ECM1: variants seen among roughly 807,000 people sequenced by gnomAD.
ECM1 encodes secretory component p85.
Under a neutral mutation model 57.9 loss-of-function variants are expected in ECM1, and 54 were observed. The ratio of observed to expected loss-of-function variants is 0.93; its 90% CI spans 0.75 to 1.17. The LOEUF (loss-of-function observed/expected upper bound fraction) is 1.17, where lower values mean the gene tolerates loss of function less well. Among genes scored for constraint, ECM1 ranks in the 50% most tolerant of loss-of-function variants. ECM1 has a pLI of 0.00. For synonymous variants in ECM1, 237 were observed against 259.1 expected (o/e 0.91, Z 0.82); for missense variants, 649 against 688.1 (o/e 0.94, Z 0.64).
rs146676314 is a variant in ECM1, at chr1:150,513,356, G to A, written c.1512G>A (p.Leu504=). 30 of 1,614,096 alleles carry A rather than the reference G, an allele frequency of 1.9e-5. No homozygotes were observed. The highest frequency in any genetic ancestry group is 2.4e-5 in the Non-Finnish European group (28 of 1,180,044). The change falls in exon 10 of 10, where the codon CTG becomes CTA. Residue 504 remains leucine, a synonymous_variant. Transcript: ENST00000369047. The part of the protein sequence containing the change: ...EQVNCFNINY[L]RNVALVSGDT... Reference sequence around the variant, plus strand: ...TCAACTGCTTCAACATCAATTATCTGAGGAACGTGGCTCTAGTGTCTGGAG... The same window carrying A: ...TCAACTGCTTCAACATCAATTATCTAAGGAACGTGGCTCTAGTGTCTGGAG...
chr1:150,509,944 G>A lies in ECM1; in HGVS notation c.246G>A (p.Glu82=), dbSNP rs1412250845. ...QSQVQPPPSQ[E]ATPLQQEKLL... The stretch of plus-strand genomic sequence containing the variant: ...TAGTGCAGCCCCCTCCCTCTCAGGA[G>A]GCCACCCCTCTCCAACAGGAAAAGC... Residue 82 remains glutamate (E), a synonymous_variant, in exon 4 of 10, where the codon GAG becomes GAA. Coordinates refer to ENST00000369047, the MANE Select transcript of ECM1 (RefSeq NM_004425.4). The A allele has an allele frequency of 6.2e-7, 1 of 1,614,062 alleles. No homozygotes were observed. Among genetic ancestry groups the A allele is most frequent in the Non-Finnish European group, 8.5e-7 (1 of 1,179,990 alleles).
In ECM1 at chr1:150,513,630, G is replaced by A. The variant is rs1345000264; in HGVS notation, c.*163G>A. ...GGATCTTGGTGCCCTGGCCCAGGAGGGCACTGGCGTTTTCAGACACACCAC... is the reference window on the plus strand; with the variant it reads ...GGATCTTGGTGCCCTGGCCCAGGAGAGCACTGGCGTTTTCAGACACACCAC... On this transcript the variant is annotated 3_prime_UTR_variant, in exon 10 of 10. Transcript: ENST00000369047. 5.9e-6 allele frequency: 4 copies of A among 682,236 alleles called. No homozygotes were observed. Among genetic ancestry groups the A allele is most frequent in the Non-Finnish European group, 9.8e-6 (4 of 408,626 alleles). The allele number at this position is 682,236 out of a possible 1,614,324, so 42.3% of individuals were successfully genotyped here.
chr1:150,508,884 T>C (rs936017208), intron 1 of ECM1, among the ~76,000 whole-genome samples: 1 of 152,142 alleles, frequency 6.6e-6, no homozygotes, highest in East Asian at 1.9e-4. Context: ...TGTCCACTTC[T>C]CTGTGAAGCC....
intron 1 of ECM1, among the ~76,000 whole-genome samples, chr1:150,508,531 TG>T (rs1254643509): frequency 2.6e-5 from 4 of 151,284 alleles, no homozygotes; most frequent in African/African-American, 4.9e-5. Context: ...GACAACTGAG[TG>T]GGGGGTGGGT....
Position 150,512,769 on chromosome 1 carries a change from G to A in ECM1, c.1349G>A (p.Cys450Tyr), listed in dbSNP as rs748727010. ...ATCCACAACATGACTGCCCGCTGCT[G>A]TGACCTGCCATTTCCAGAACAGGCC... is the stretch of plus-strand genomic sequence containing the variant. ...GLIHNMTARC[C>Y]DLPFPEQACC... Residue 450 changes from cysteine (C) to tyrosine (Y), a missense_variant, in exon 9 of 10, where the codon TGT (cysteine) becomes TAT (tyrosine). By Grantham distance (194) the Cys-to-Tyr change is radical. Coordinates refer to ENST00000369047, the MANE Select transcript of ECM1 (RefSeq NM_004425.4). 3 of 1,614,042 alleles carry A rather than the reference G, an allele frequency of 1.9e-6. No individual in the cohort carries two copies. Among genetic ancestry groups the A allele is most frequent in the African/African-American group, 1.3e-5 (1 of 74,908 alleles).
rs1312232484 is a variant in ECM1, at chr1:150,513,580, A to G, written c.*113A>G. The G allele has an allele frequency of 1.9e-6, 2 of 1,036,324 alleles. No homozygotes were observed. The highest frequency in any genetic ancestry group is 1.4e-6 in the Non-Finnish European group (1 of 711,638). The allele number at this position is 1,036,324 out of a possible 1,614,324, so 64.2% of individuals were successfully genotyped here. On this transcript the variant is annotated 3_prime_UTR_variant, in exon 10 of 10. Transcript: ENST00000369047. ...ATTTGGTGTCCTCATTGTCTATCTA[A>G]TGTCTCACCCGCAGTGTTTTAAGTG... is the stretch of plus-strand genomic sequence containing the variant.
intron 7 of ECM1, 101 bp downstream of exon 7, chr1:150,511,932 T>A (rs1291493064): frequency 1.1e-5 from 16 of 1,441,462 alleles, no homozygotes; most frequent in Non-Finnish European, 1.5e-5. Context: ...CCCCCTGCTG[T>A]GAGTGCGTCC....
chr1:150,510,858 C>G lies in ECM1; in HGVS notation c.386-18C>G, dbSNP rs763387231. 2.5e-6 allele frequency: 4 copies of G among 1,613,518 alleles called. No homozygotes were observed. The South Asian group carries it at 4.4e-5, about 18-fold the overall frequency. ...TTCCTTCACATGTCCCCGCTTCCCA[C>G]TGTTTTCCCCATTCCAGGAACGCCA... is the stretch of plus-strand genomic sequence containing the variant. On this transcript the variant is annotated intron_variant, in intron 5 of 9. Transcript: ENST00000369047.
rs1163213468 is a variant in ECM1 at position 150,510,137 on chromosome 1, C to A, written c.340C>A (p.Gln114Lys). 1.2e-6 allele frequency: 2 copies of A among 1,614,104 alleles called. No individual in the cohort carries two copies. Among genetic ancestry groups the A allele is most frequent in the Admixed American group, 3.3e-5 (2 of 60,026 alleles). Residue 114 changes from glutamine (Q) to lysine (K), a missense_variant, in exon 5 of 10, where the codon CAA becomes AAA. Gln to Lys is a moderately conservative substitution (Grantham distance 53). Coordinates refer to ENST00000369047, the MANE Select transcript of ECM1 (RefSeq NM_004425.4). The stretch of plus-strand genomic sequence containing the variant: ...TCTCCCTCAGGAAGCTGTCCCCCTC[C>A]AAAAAGAGCTGCCCTCTCTCCAGCA... The part of the protein sequence containing the change: ...PPLPQEAVPL[Q>K]KELPSLQHPN...
At position 150,509,906 on chromosome 1, in the gene ECM1, A is replaced by T; in HGVS notation, c.224-16A>T. The T allele has an allele frequency of 1.9e-6, 3 of 1,613,776 alleles. No homozygotes were observed. The highest frequency in any genetic ancestry group is 2.5e-6 in the Non-Finnish European group (3 of 1,179,828). On this transcript the variant is annotated splice_polypyrimidine_tract_variant and intron_variant, in intron 3 of 9. Transcript: ENST00000369047. ...AGGAGAAAGGGTGGGCTGCTCACAC[A>T]TTCCCCCTTCTATAGTGCAGCCCCC...
rs768430337 is a variant in ECM1, at chr1:150,511,527, C to T, written c.779C>T (p.Thr260Met). The change falls in exon 7 of 10, where the codon ACG becomes ATG. Residue 260 changes from threonine to methionine, a missense_variant. Transcript: ENST00000369047. The stretch of plus-strand genomic sequence containing the variant: ...AAGACCCGACCCCACTGGTGCTGCA[C>T]GCGGCAGGGGGAGGCTCGGTTCTCC... ...SVKTRPHWCC[T>M]RQGEARFSCF... The T allele has an allele frequency of 1.9e-5, 30 of 1,614,052 alleles. No individual in the cohort carries two copies. The highest frequency in any genetic ancestry group is 1.6e-4 in the Middle Eastern group (1 of 6,084).
At chr1:150,512,919 AT>A in intron 9 of ECM1, 107 bp downstream of exon 9, 1 of 1,277,092 alleles carries the variant, frequency 7.8e-7, no homozygotes, top group East Asian at 2.3e-5. Context: ...GCCTTTGGTT[AT>A]AATGACTAGT....
At position 150,513,308 on chromosome 1, in the gene ECM1, C is replaced by G; in HGVS notation, c.1464C>G (p.Tyr488Ter). The G allele has an allele frequency of 6.2e-7, 1 of 1,614,246 alleles. No individual in the cohort carries two copies. Among genetic ancestry groups the G allele is most frequent in the Non-Finnish European group, 8.5e-7 (1 of 1,180,030 alleles). ...NIWRDPALCC[Y>*]LSPGDEQVNC... ...GGCGAGACCCTGCCCTCTGCTGTTA[C>G]CTGAGTCCTGGGGATGAACAGGTCA... is the stretch of plus-strand genomic sequence containing the variant. The change falls in exon 10 of 10, where the codon TAC (tyrosine) becomes TAG (stop). Residue 488 changes from tyrosine (Y) to a stop codon, truncating the protein, a stop_gained. Transcript: ENST00000369047. LOFTEE classifies it high-confidence loss of function.
At position 150,511,019 on chromosome 1, in the gene ECM1, C is replaced by G. The variant is rs1203627113; in HGVS notation, c.529C>G (p.Leu177Val). The G allele has an allele frequency of 6.2e-7, 1 of 1,614,108 alleles. No homozygotes were observed. The highest frequency in any genetic ancestry group is 1.7e-5 in the Admixed American group (1 of 60,002). Residue 177 changes from leucine to valine, a missense_variant, in exon 6 of 10, where the codon CTG becomes GTG. By Grantham distance (32) the Leu-to-Val change is conservative. Transcript: ENST00000369047. Reference sequence around the variant, plus strand: ...CCCTGGGCGGCCTTCTCCAGACAATCTGAACCAAATCTGCCTTCCTAACCG... The same window carrying G: ...CCCTGGGCGGCCTTCTCCAGACAATGTGAACCAAATCTGCCTTCCTAACCG... ...FPPGRPSPDN[L>V]NQICLPNRQH... is the part of the protein sequence containing the mutation.
rs890415002 is a variant in ECM1, at chr1:150,510,251, G to A, written c.385+69G>A. 11 of 1,462,552 alleles carry A rather than the reference G, an allele frequency of 7.5e-6. No individual in the cohort carries two copies. In the African/African-American group the frequency reaches 1.1e-4, roughly 15 times the overall value. The allele number at this position is 1,462,552 out of a possible 1,614,324, so 90.6% of individuals were successfully genotyped here. A position where few individuals can be genotyped will look rare whatever the true frequency, so the allele number is the denominator to read the frequency against. ...CTTCCCCCAGAGCATGGGCTTCGGG[G>A]CAGACAAGACGGTGGGCTCTGCCAC... is the stretch of plus-strand genomic sequence containing the variant. On this transcript the variant is annotated intron_variant, in intron 5 of 9. Coordinates refer to ENST00000369047, the MANE Select transcript of ECM1 (RefSeq NM_004425.4).
rs1217895619 is a variant in ECM1, at chr1:150,512,376, T to G, written c.1108T>G (p.Cys370Gly). The G allele has an allele frequency of 1.9e-6, 3 of 1,613,300 alleles. No homozygotes were observed. Among genetic ancestry groups the G allele is most frequent in the African/African-American group, 2.7e-5 (2 of 74,618 alleles). ...KAWEDTLDKY[C>G]DREYAVKTHH... Reference sequence around the variant, plus strand: ...GTGGGAGGATACCCTTGACAAATACTGTGACCGGGAGTATGCTGTGAAGAC... The same window carrying G: ...GTGGGAGGATACCCTTGACAAATACGGTGACCGGGAGTATGCTGTGAAGAC... The change falls in exon 8 of 10, where the codon TGT (cysteine) becomes GGT (glycine). Residue 370 changes from cysteine to glycine, a missense_variant. Cys to Gly is a radical substitution (Grantham distance 159). Transcript: ENST00000369047.
chr1:150,513,267 C>T lies in ECM1; in HGVS notation c.1423C>T (p.Pro475Ser), dbSNP rs1192948806. The change falls in exon 10 of 10, where the codon CCC (proline) becomes TCC (serine). Residue 475 changes from proline (P) to serine (S), a missense_variant. Physicochemically the swap from Pro to Ser is moderately conservative, Grantham distance 74. Coordinates refer to ENST00000369047, the MANE Select transcript of ECM1 (RefSeq NM_004425.4). The part of the protein sequence containing the change: ...KLTFINDLCG[P>S]RRNIWRDPAL... ...AACCTTCATCAATGATCTGTGTGGT[C>T]CCCGACGTAACATCTGGCGAGACCC... 1 of 1,614,224 alleles carries T rather than the reference C, an allele frequency of 6.2e-7. No homozygotes were observed. The highest frequency in any genetic ancestry group is 8.5e-7 in the Non-Finnish European group (1 of 1,180,040).
At chr1:150,508,310 G>A (rs973655419) in intron 1 of ECM1, 31 bp downstream of exon 1, 11 of 1,602,928 alleles carry the variant, frequency 6.9e-6, no homozygotes, top group Non-Finnish European at 8.5e-6. Flanking sequence ...TTAGGAGGGG[G>A]TCTGGGCTTG....
chr1:150,512,610 C>G, intron 8 of ECM1, 38 bp downstream of exon 8: 1 of 1,613,408 alleles, frequency 6.2e-7, no homozygotes, highest in Non-Finnish European at 8.5e-7. Context: ...CTTCCTTTCC[C>G]GAAAACTTCC....
Sources: gnomAD v4.1 joint callset for allele counts (sites outside exome capture counted in the v4.1 genomes callset) on GRCh38, gnomAD v4.1.1 for gene constraint, MANE v1.5 for transcripts, NCBI Gene and HGNC (gene_info 2026-07-23, HGNC 2026-07-21) for gene names.